MCM6: variants seen among roughly 807,000 people sequenced by gnomAD.
MCM6 encodes the protein minichromosome maintenance complex component 6, also known as DNA replication licensing factor MCM6.
In MCM6, 46 loss-of-function variants were observed where a neutral mutation model predicts 94.3. That is an observed-to-expected ratio of 0.49 (90% CI 0.39 to 0.62). MCM6 has a LOEUF of 0.62. MCM6 is among the 20% of genes least tolerant of loss of function. The pLI is 0.00. For missense variants in MCM6, 865 were observed against 1,017.9 expected (o/e 0.85, Z 2.04); for synonymous variants, 335 against 351.9 (o/e 0.95, Z 0.54).
rs1230471578 is a variant in MCM6 at position 135,840,077 on chromosome 2, TG to T, written c.*757del. 6.6e-6 allele frequency: 1 copy of T among 152,162 alleles called. No homozygotes were observed. Among genetic ancestry groups the T allele is most frequent in the Admixed American group, 6.5e-5 (1 of 15,282 alleles). 9.4% of individuals were successfully genotyped at this position (152,162 alleles called of 1,614,324 possible). A position where few individuals can be genotyped will look rare whatever the true frequency, so the allele number is the denominator to read the frequency against. ...ACTTTTCCTGGAAGACCATAAAATT[TG>T]GGGATTGCTTGTAATATAGCAAATG... On this transcript the variant is annotated 3_prime_UTR_variant, in exon 17 of 17. Transcript: ENST00000264156.
chr2:135,856,685 G>A (rs309180), intron 11 of MCM6, 43 bp downstream of exon 11: 1,058,013 of 1,597,080 alleles, frequency 0.66, 380,785 homozygotes, highest in Non-Finnish European at 0.75. Flanking sequence ...TGTCTCACTC[G>A]ATTACTCCAA....
intron 15 of MCM6, among the ~76,000 whole-genome samples, chr2:135,845,669 T>C (rs1214622969): frequency 6.6e-6 from 1 of 152,248 alleles, no homozygotes; most frequent in Non-Finnish European, 1.5e-5. Context: ...GTTCAACATC[T>C]TGAATTCATC....
At chr2:135,859,669 C>G (rs766219302) in intron 8 of MCM6, among the ~76,000 whole-genome samples, 13 of 151,768 alleles carry the variant, frequency 8.6e-5, no homozygotes, top group Non-Finnish European at 1.5e-4. Context: ...GTGTCACAAT[C>G]TCAGCTCACT....
rs540432057 is a variant in MCM6, at chr2:135,866,530, G to C, written c.781+33C>G. ...GATACTGTGCAGTTTAGGTAACTGA[G>C]AATTTGTTAAATTTGAGCCACAGAT... On this transcript the variant is annotated intron_variant, in intron 5 of 16. Transcript: ENST00000264156. 8 of 1,587,106 alleles carry C rather than the reference G, an allele frequency of 5.0e-6. No homozygotes were observed. In the African/African-American group the frequency reaches 9.5e-5, roughly 19 times the overall value.
At chr2:135,852,141 T>C (rs778980189) in intron 12 of MCM6, among the ~76,000 whole-genome samples, 4 of 152,200 alleles carry the variant, frequency 2.6e-5, no homozygotes, top group Non-Finnish European at 4.4e-5. Context: ...TTAAATTTCT[T>C]TGGGACAGTG....
At position 135,859,397 on chromosome 2, in the gene MCM6, T is replaced by C. The variant is rs896249526; in HGVS notation, c.1266A>G (p.Lys422=). 2 of 1,613,446 alleles carry C rather than the reference T, an allele frequency of 1.2e-6. No homozygotes were observed. Among genetic ancestry groups the C allele is most frequent in the Non-Finnish European group, 1.7e-6 (2 of 1,179,360 alleles). The part of the protein sequence containing the change: ...FSPRAVYTSG[K]ASSAAGLTAA... The stretch of plus-strand genomic sequence containing the variant: ...CTGTTAAGCCAGCAGCACTGGACGC[T>C]TTACCACTGGTGTAGACAGCTCTGG... Residue 422 remains lysine (K), a synonymous_variant, in exon 9 of 17, where the codon AAA becomes AAG. Coordinates refer to ENST00000264156, the MANE Select transcript of MCM6 (RefSeq NM_005915.6).
intron 8 of MCM6, among the ~76,000 whole-genome samples, chr2:135,861,161 C>T (rs577830952): frequency 7.9e-5 from 12 of 152,212 alleles, no homozygotes; most frequent in Admixed American, 5.9e-4. Flanking sequence ...AACTCCAAAC[C>T]AACTAAAAAT....
At chr2:135,850,828 G>GT (rs1270890617) in intron 13 of MCM6, among the ~76,000 whole-genome samples, 1 of 152,046 alleles carries the variant, frequency 6.6e-6, no homozygotes, top group East Asian at 1.9e-4. Flanking sequence ...CAGTCACACT[G>GT]TAAAAAAAAG....
rs1322372504 is a variant in MCM6, at chr2:135,868,633, GATTT to G, written c.589_592del (p.Lys197GlnfsTer27). 1 of 1,613,728 alleles carries G rather than the reference GATTT, an allele frequency of 6.2e-7. No homozygotes were observed. Among genetic ancestry groups the G allele is most frequent in the African/African-American group, 1.3e-5 (1 of 74,902 alleles). ...TACCTTTTGAAAATCAACAAATCTT[GATTT>G]ATTTGTATCCAGTAAGAATCTCCTC... On this transcript the variant is annotated frameshift_variant, in exon 4 of 17. Transcript: ENST00000264156. LOFTEE classifies it high-confidence loss of function.
At chr2:135,869,072 GAACT>G (rs1346352667) in intron 3 of MCM6, among the ~76,000 whole-genome samples, 4 of 151,928 alleles carry the variant, frequency 2.6e-5, no homozygotes, top group African/African-American at 9.7e-5. Flanking sequence ...ATATATAAAT[GAACT>G]AAAGGATGCC....
At chr2:135,858,064 C>T (rs56073212) in intron 9 of MCM6, 60 bp from the exon 10 acceptor site, 5 of 1,473,934 alleles carry the variant, frequency 3.4e-6, no homozygotes, top group Middle Eastern at 2.4e-4. Context: ...ATGGCTCACA[C>T]TTGTAATCCC....
intron 13 of MCM6, among the ~76,000 whole-genome samples, chr2:135,850,793 A>G (rs1030609696): frequency 6.6e-6 from 1 of 152,144 alleles, no homozygotes; most frequent in Non-Finnish European, 1.5e-5. Flanking sequence ...CATGCCATAC[A>G]TTTCCCTTTT....
At chr2:135,844,784 A>G in intron 15 of MCM6, 100 bp from the exon 16 acceptor site, 1 of 1,246,766 alleles carries the variant, frequency 8.0e-7, no homozygotes, top group Non-Finnish European at 1.1e-6. Flanking sequence ...TACAGATTAG[A>G]TAAATGTCAA....
In MCM6 at chr2:135,844,570, TTCTC is replaced by T; in HGVS notation, c.2320_2323del (p.Glu774LysfsTer13). The T allele has an allele frequency of 6.3e-7, 1 of 1,575,402 alleles. No individual in the cohort carries two copies. The highest frequency in any genetic ancestry group is 8.6e-7 in the Non-Finnish European group (1 of 1,163,528). On this transcript the variant is annotated frameshift_variant, in exon 16 of 17. Coordinates refer to ENST00000264156, the MANE Select transcript of MCM6 (RefSeq NM_005915.6). LOFTEE classifies it high-confidence loss of function. ...ATAGTGTGTGAGTCGATGAATAACT[TTCTC>T]TATGATTCTTTTTTTATTTATAAGT...
At chr2:135,866,396 A>G in intron 5 of MCM6, 119 bp from the exon 6 acceptor site, 1 of 1,410,658 alleles carries the variant, frequency 7.1e-7, no homozygotes, top group South Asian at 1.3e-5. Context: ...GAATACTTTC[A>G]GAATAGCACC....
rs576537971 is a variant in MCM6, at chr2:135,852,773, A to G, written c.1755+14T>C. On this transcript the variant is annotated intron_variant, in intron 12 of 16. Coordinates refer to ENST00000264156, the MANE Select transcript of MCM6 (RefSeq NM_005915.6). ...ACCCATTATACCTTATCCCAGTACA[A>G]AAGGGTAGGTTACCTTGGGTTTAAA... 1.3e-6 allele frequency: 2 copies of G among 1,555,998 alleles called. No individual in the cohort carries two copies. The highest frequency in any genetic ancestry group is 1.7e-6 in the Non-Finnish European group (2 of 1,152,768).
Position 135,846,308 on chromosome 2 carries a change from A to G in MCM6, c.2138T>C (p.Leu713Ser). 6.2e-7 allele frequency: 1 copy of G among 1,614,106 alleles called. No individual in the cohort carries two copies. The highest frequency in any genetic ancestry group is 2.2e-5 in the East Asian group (1 of 44,870). Residue 713 changes from leucine to serine, a missense_variant, in exon 15 of 17, where the codon TTA becomes TCA. This residue lies in a region of MCM6 where 308 missense variants were observed against 324.5 expected (regional missense o/e 0.95). Transcript: ENST00000264156. ...GCAGTACTCAGAGAAGCCCAGCCTT[A>G]AGGAGGCTTTGGGAGCAGACTCTTG... ...INQESAPKAS[L>S]RLGFSEYCRI... is the part of the protein sequence containing the mutation.
chr2:135,859,279 G>C (rs1300107734), intron 9 of MCM6, 22 bp downstream of exon 9: 3 of 1,599,770 alleles, frequency 1.9e-6, no homozygotes, highest in South Asian at 2.2e-5. Flanking sequence ...TCTTTATACT[G>C]AAGAGTGTAA....
chr2:135,841,013 C>A, intron 16 of MCM6, 62 bp from the exon 17 acceptor site: 1 of 1,155,008 alleles, frequency 8.7e-7, no homozygotes, highest in South Asian at 1.2e-5. Flanking sequence ...TCCAGATATA[C>A]AAGACTTGAC....
Sources: allele counts gnomAD v4.1 joint callset (sites outside exome capture counted in the v4.1 genomes callset), GRCh38; gene constraint gnomAD v4.1.1; regional missense constraint gnomAD v4.1.1; transcripts MANE v1.5; gene names NCBI Gene and HGNC (gene_info 2026-07-23, HGNC 2026-07-21).